Variants in DDAH1 observed in about 807,000 individuals in gnomAD.
The protein encoded by DDAH1 is N(G),N(G)-dimethylarginine dimethylaminohydrolase 1.
In DDAH1, 19 loss-of-function variants were observed where a neutral mutation model predicts 28.8. The observed-to-expected ratio is 0.66, with a 90% CI of 0.46 to 0.97. The LOEUF (loss-of-function observed/expected upper bound fraction) is 0.97, where lower values mean the gene tolerates loss of function less well. Ranked by LOEUF, DDAH1 falls within the 50% of genes least tolerant of loss-of-function variation. DDAH1 has a pLI of 0.00. For synonymous variants in DDAH1, 153 were observed against 154.4 expected (o/e 0.99, Z 0.07); for missense variants, 326 against 375.9 (o/e 0.87, Z 1.10).
chr1:85,346,201 C>T lies in DDAH1; in HGVS notation c.597+4214G>A, dbSNP rs142783328. Among the ~76,000 whole-genome samples, 155 of 152,278 alleles carry T rather than the reference C, an allele frequency of 1.0e-3. 1 individual carries two copies. The Middle Eastern group carries it at 0.01, about 10-fold the overall frequency. ...CAGAGGTGAGAAGTAATCAAGCTTT[C>T]GGTGTGTAGCACAGGAAGGCACAAT... On this transcript the variant is annotated intron_variant, in intron 4 of 5. Transcript: ENST00000284031.
chr1:85,457,087 C>A (rs969311456), intron 1 of DDAH1, among the ~76,000 whole-genome samples: 1 of 152,112 alleles, frequency 6.6e-6, no homozygotes, highest in East Asian at 1.9e-4. Context: ...TCCCTCTAGA[C>A]CCAAAACAAA....
intron 1 of DDAH1, among the ~76,000 whole-genome samples, chr1:85,404,827 G>A (rs890532173): frequency 9.2e-5 from 14 of 152,140 alleles, no homozygotes. Flanking sequence ...GTTGCTATAT[G>A]TACTGTTCTC....
intron 1 of DDAH1, among the ~76,000 whole-genome samples, chr1:85,519,646 A>G (rs1657603908): frequency 6.6e-6 from 1 of 152,228 alleles, no homozygotes; most frequent in African/African-American, 2.4e-5. Context: ...AATGCTAAAA[A>G]CAATCTTAAA....
chr1:85,321,564 T>TA lies in DDAH1; in HGVS notation c.745dup (p.Tyr249LeufsTer2). ...CAGCATATGGTCCTTCAGTTTCTCA[T>TA]AAACCTACAGTGGGAATCAAGGAAA... On this transcript the variant is annotated frameshift_variant, in exon 6 of 6. Transcript: ENST00000284031. LOFTEE classifies it high-confidence loss of function. The TA allele has an allele frequency of 1.2e-6, 2 of 1,609,928 alleles. No homozygotes were observed. Among genetic ancestry groups the TA allele is most frequent in the Non-Finnish European group, 8.5e-7 (1 of 1,176,186 alleles).
intron 1 of DDAH1, among the ~76,000 whole-genome samples, chr1:85,523,455 C>A (rs1394718442): frequency 6.6e-6 from 1 of 152,146 alleles, no homozygotes; most frequent in Non-Finnish European, 1.5e-5. Flanking sequence ...AGCATCTTGG[C>A]TGGACTAATT....
chr1:85,334,992 AG>A (rs1648017969), intron 4 of DDAH1, among the ~76,000 whole-genome samples: 1 of 152,204 alleles, frequency 6.6e-6, no homozygotes, highest in Non-Finnish European at 1.5e-5. Flanking sequence ...CCAAAAACTG[AG>A]GGAATTCATC....
chr1:85,509,855 A>G (rs1387574268), intron 1 of DDAH1, among the ~76,000 whole-genome samples: 2 of 152,240 alleles, frequency 1.3e-5, no homozygotes, highest in African/African-American at 4.8e-5. Context: ...GACCAAATCT[A>G]CATTTGATTG....
At chr1:85,545,616 T>C (rs1658597604) in intron 1 of DDAH1, among the ~76,000 whole-genome samples, 1 of 152,150 alleles carries the variant, frequency 6.6e-6, no homozygotes, top group South Asian at 2.1e-4. Context: ...GAGGCAAATA[T>C]ATATCCAAAA....
At chr1:85,488,044 G>T (rs1362391630) in intron 2 of DDAH1, among the ~76,000 whole-genome samples, 9 of 152,006 alleles carry the variant, frequency 5.9e-5, no homozygotes, top group Admixed American at 5.9e-4. Context: ...AATTAGCCAG[G>T]TGTGGTGGTG....
intron 1 of DDAH1, among the ~76,000 whole-genome samples, chr1:85,435,436 G>A (rs1275156064): frequency 6.6e-6 from 1 of 152,052 alleles, no homozygotes; most frequent in African/African-American, 2.4e-5. Context: ...TATATGTTGG[G>A]CATACTACTA....
chr1:85,479,923 T>C (rs1655950219), intron 2 of DDAH1, among the ~76,000 whole-genome samples: 1 of 152,220 alleles, frequency 6.6e-6, no homozygotes, highest in Non-Finnish European at 1.5e-5. Flanking sequence ...TTACACATAC[T>C]GAAATCTAAG....
chr1:85,542,180 C>G (rs548027363), intron 1 of DDAH1, among the ~76,000 whole-genome samples: 25 of 152,102 alleles, frequency 1.6e-4, no homozygotes, highest in African/African-American at 6.0e-4. Flanking sequence ...TACTTCAGGG[C>G]CTGAACACTG....
chr1:85,448,463 C>T (rs909368762), intron 1 of DDAH1, among the ~76,000 whole-genome samples: 1 of 152,118 alleles, frequency 6.6e-6, no homozygotes, highest in African/African-American at 2.4e-5. Flanking sequence ...CCTCCTTGTA[C>T]CACCCCCCTT....
intron 1 of DDAH1, among the ~76,000 whole-genome samples, chr1:85,446,041 T>C (rs1654412840): frequency 6.6e-6 from 1 of 152,200 alleles, no homozygotes; most frequent in African/African-American, 2.4e-5. Context: ...TATTTTCTGG[T>C]GCATGTCTGA....
rs113786566 is a variant in DDAH1, at chr1:85,346,850, T to G, written c.597+3565A>C. On this transcript the variant is annotated intron_variant, in intron 4 of 5. Transcript: ENST00000284031. ...GGCAACCTACAGAATGGGAGAAAAT[T>G]TTTGCAATCTACTCATCTGACAAAG... Among the ~76,000 whole-genome samples the G allele has an allele frequency of 9.3e-4, 142 of 152,130 alleles. 1 individual carries two copies. Among genetic ancestry groups the G allele is most frequent in the Middle Eastern group, 3.4e-3 (1 of 294 alleles).
intron 1 of DDAH1, among the ~76,000 whole-genome samples, chr1:85,533,010 C>T (rs1658143571): frequency 6.6e-6 from 1 of 152,164 alleles, no homozygotes. Context: ...GATTCTTGTT[C>T]TCATACTTAT....
At chr1:85,465,230 C>A, upstream of DDAH1, 1 of 1,107,106 alleles carries the variant, frequency 9.0e-7, no homozygotes, top group Non-Finnish European at 1.1e-6. Flanking sequence ...GCTCCGGGCG[C>A]CGGCCCGCGC....
intron 1 of DDAH1, among the ~76,000 whole-genome samples, chr1:85,364,659 CTCAG>C (rs1400230267): frequency 1.3e-5 from 2 of 152,054 alleles, no homozygotes; most frequent in Admixed American, 6.6e-5. Flanking sequence ...GCAATTCTGC[CTCAG>C]CCTCCCGAAT....
At chr1:85,323,365 C>T (rs1042045549) in intron 5 of DDAH1, among the ~76,000 whole-genome samples, 7 of 152,056 alleles carry the variant, frequency 4.6e-5, no homozygotes, top group African/African-American at 1.2e-4. Context: ...AATCTATGGA[C>T]GAGCACTGTT....
Sources: allele counts gnomAD v4.1 joint callset (sites outside exome capture counted in the v4.1 genomes callset), GRCh38; gene constraint gnomAD v4.1.1; transcripts MANE v1.5; gene names NCBI Gene and HGNC (gene_info 2026-07-23, HGNC 2026-07-21).